Variants in ROBO1 observed in about 807,000 individuals in gnomAD.
The protein encoded by ROBO1 is roundabout homolog 1.
Under a neutral mutation model 195.9 loss-of-function variants are expected in ROBO1, and 149 were observed. The observed-to-expected ratio is 0.76, with a 90% confidence interval of 0.67 to 0.87. The LOEUF is 0.87. Among genes scored for constraint, ROBO1 ranks in the 40% least tolerant of loss-of-function variants. The pLI, the probability that ROBO1 is intolerant of heterozygous loss-of-function variation, is 0.00. For missense variants in ROBO1, 1,933 were observed against 2,068.3 expected, an observed-to-expected ratio of 0.93 and a Z score of 1.27; for synonymous variants, 816 against 733.2, an observed-to-expected ratio of 1.11 and a Z score of -1.82.
intron 1 of ROBO1, among the ~76,000 whole-genome samples, chr3:79,631,093 A>G (rs1945326891): frequency 6.6e-6 from 1 of 152,008 alleles, no homozygotes; most frequent in Non-Finnish European, 1.5e-5. Flanking sequence ...CAACAGATTC[A>G]ATGAAAATCT....
intron 2 of ROBO1, among the ~76,000 whole-genome samples, chr3:79,503,522 ATGT>A (rs1195464907): frequency 6.6e-6 from 1 of 152,176 alleles, no homozygotes; most frequent in African/African-American, 2.4e-5. Flanking sequence ...AGGGAAATTG[ATGT>A]TGTGCACCCT....
At chr3:78,895,239 TG>T (rs1193748554) in intron 4 of ROBO1, among the ~76,000 whole-genome samples, 1 of 152,076 alleles carries the variant, frequency 6.6e-6, no homozygotes, top group Non-Finnish European at 1.5e-5. Flanking sequence ...AGGCTTTCGT[TG>T]AAGACCAAAT....
intron 4 of ROBO1, among the ~76,000 whole-genome samples, chr3:78,842,227 ATATATT>A: frequency 7.6e-6 from 1 of 132,062 alleles, no homozygotes; most frequent in Non-Finnish European, 1.6e-5. Flanking sequence ...TGAGCCATAT[ATATATT>A]TATATATATG....
At chr3:78,693,616 G>A (rs1180051156) in intron 8 of ROBO1, among the ~76,000 whole-genome samples, 1 of 152,106 alleles carries the variant, frequency 6.6e-6, no homozygotes. Context: ...CAATGAATGA[G>A]AGCTATAAAA....
At position 78,598,925 on chromosome 3, in the gene ROBO1, T is replaced by C; in HGVS notation, c.4944A>G (p.Glu1648=). 6.4e-7 allele frequency: 1 copy of C among 1,572,498 alleles called. No individual in the cohort carries two copies. Among genetic ancestry groups the C allele is most frequent in the Non-Finnish European group, 8.7e-7 (1 of 1,154,238 alleles). The part of the protein sequence containing the change: ...RGEDNNEELE[E]TES ...CTCTTGGTTGTCTTCAGCTTTCAGT[T>C]TCCTGTAAGAGATACGTTATTGTCA... The change falls in exon 31 of 31, where the codon GAA becomes GAG. Residue 1648 remains glutamate, a splice_region_variant and synonymous_variant. Coordinates refer to ENST00000464233, the MANE Select transcript of ROBO1 (RefSeq NM_002941.4).
intron 2 of ROBO1, among the ~76,000 whole-genome samples, chr3:79,407,800 GGAT>G (rs1326453810): frequency 6.6e-6 from 1 of 151,884 alleles, no homozygotes; most frequent in African/African-American, 2.4e-5. Context: ...TAAAAATTGA[GGAT>G]GATAAAAATA....
chr3:79,153,067 A>G lies in ROBO1; in HGVS notation c.89-27528T>C, dbSNP rs185842417. Among the ~76,000 whole-genome samples the G allele has an allele frequency of 1.6e-3, 243 of 151,916 alleles. 1 individual carries two copies. Among genetic ancestry groups the G allele is most frequent in the African/African-American group, 5.3e-3 (221 of 41,516 alleles). On this transcript the variant is annotated intron_variant, in intron 2 of 30. Transcript: ENST00000464233. ...ACACAATCCAACTTATATTTAAAAA[A>G]TACTACCTTGCCTGTTGTGTGGAGG...
chr3:78,964,282 A>G (rs2041559419), intron 3 of ROBO1, among the ~76,000 whole-genome samples: 1 of 152,148 alleles, frequency 6.6e-6, no homozygotes, highest in South Asian at 2.1e-4. Flanking sequence ...ACATTCACAG[A>G]TACCAGCGGT....
chr3:79,524,814 G>A (rs984288774), intron 2 of ROBO1, among the ~76,000 whole-genome samples: 2 of 151,996 alleles, frequency 1.3e-5, no homozygotes, highest in Non-Finnish European at 2.9e-5. Flanking sequence ...TAATTGAATT[G>A]AAACAAAATT....
At chr3:78,758,209 T>G (rs900831957) in intron 4 of ROBO1, among the ~76,000 whole-genome samples, 1 of 152,168 alleles carries the variant, frequency 6.6e-6, no homozygotes, top group Non-Finnish European at 1.5e-5. Flanking sequence ...TTCCAGTAAT[T>G]GTTTTATGTA....
At chr3:78,654,626 A>C (rs1322247790) in intron 18 of ROBO1, among the ~76,000 whole-genome samples, 1 of 152,150 alleles carries the variant, frequency 6.6e-6, no homozygotes, top group Admixed American at 6.6e-5. Context: ...TAACAGACTC[A>C]AGTGTGGTAT....
At chr3:78,972,720 A>C (rs2107924807) in intron 3 of ROBO1, among the ~76,000 whole-genome samples, 1 of 152,288 alleles carries the variant, frequency 6.6e-6, no homozygotes, top group South Asian at 2.1e-4. Context: ...ATAGTGGGAA[A>C]GTCCTTGGCC....
At chr3:78,916,558 A>C (rs13059254) in intron 4 of ROBO1, among the ~76,000 whole-genome samples, 5 of 120,330 alleles carry the variant, frequency 4.2e-5, no homozygotes, top group Non-Finnish European at 6.5e-5. Flanking sequence ...TCTCAAAAAG[A>C]AAAAAAAAAA....
At chr3:78,792,233 T>C (rs551705350) in intron 4 of ROBO1, among the ~76,000 whole-genome samples, 1 of 152,292 alleles carries the variant, frequency 6.6e-6, no homozygotes, top group African/African-American at 2.4e-5. Flanking sequence ...TGTCTTATAA[T>C]TGAATGTGGT....
intron 6 of ROBO1, 136 bp from the exon 7 acceptor site, chr3:78,717,549 A>T: frequency 1.1e-6 from 1 of 908,276 alleles, no homozygotes; most frequent in Non-Finnish European, 1.7e-6. Flanking sequence ...CCCTCATTCT[A>T]GAAGCTTCTC....
intron 3 of ROBO1, among the ~76,000 whole-genome samples, chr3:79,059,487 CA>C (rs1409451188): frequency 1.3e-5 from 2 of 152,116 alleles, no homozygotes; most frequent in East Asian, 3.9e-4. Flanking sequence ...ATTGCCATAG[CA>C]CATTTATATA....
chr3:79,682,976 A>G (rs999338992), intron 1 of ROBO1, among the ~76,000 whole-genome samples: 1 of 94,724 alleles, frequency 1.1e-5, no homozygotes, highest in Admixed American at 1.1e-4. Flanking sequence ...GTATAAATGT[A>G]AAAGACATAT....
intron 2 of ROBO1, among the ~76,000 whole-genome samples, chr3:79,125,828 CTG>C (rs1164104634): frequency 6.6e-6 from 1 of 152,226 alleles, no homozygotes; most frequent in African/African-American, 2.4e-5. Flanking sequence ...CGACTGCCCT[CTG>C]TGAGGCCGCC....
At chr3:79,413,794 G>A (rs1480187705) in intron 2 of ROBO1, among the ~76,000 whole-genome samples, 1 of 152,000 alleles carries the variant, frequency 6.6e-6, no homozygotes, top group Non-Finnish European at 1.5e-5. Context: ...TAGTGGGAGA[G>A]ACATGTATAA....
Sources: allele counts gnomAD v4.1 joint callset (sites outside exome capture counted in the v4.1 genomes callset), GRCh38; gene constraint gnomAD v4.1.1; transcripts MANE v1.5; gene names NCBI Gene and HGNC (gene_info 2026-07-23, HGNC 2026-07-21).